PP2D1: variants seen among roughly 807,000 people sequenced by gnomAD.
PP2D1 encodes protein phosphatase 2C like domain containing 1.
PP2D1 carries 25 observed loss-of-function variants against 30.2 expected under a neutral mutation model. That is an observed-to-expected ratio of 0.83 (90% CI 0.60 to 1.16). The LOEUF is 1.16. Among genes scored for constraint, PP2D1 ranks in the 50% most tolerant of loss-of-function variants. The pLI, the probability that PP2D1 is intolerant of heterozygous loss-of-function variation, is 0.00. For missense variants in PP2D1, 760 were observed against 742.4 expected (o/e 1.02, Z -0.28); for synonymous variants, 260 against 258.9 (o/e 1.00, Z -0.04).
intron 1 of PP2D1, among the ~76,000 whole-genome samples, chr3:20,011,646 A>C (rs202007107): frequency 7.9e-4 from 120 of 151,332 alleles, no homozygotes; most frequent in African/African-American, 2.8e-3. Context: ...TAAAAATACA[A>C]AAATTAGCCG....
intron 2 of PP2D1, among the ~76,000 whole-genome samples, chr3:19,991,498 G>A (rs1342082462): frequency 6.6e-6 from 1 of 152,160 alleles, no homozygotes; most frequent in Non-Finnish European, 1.5e-5. Flanking sequence ...ACCTATATAC[G>A]TGATGGGTGA....
rs965519841 is a variant in PP2D1 at position 20,001,202 on chromosome 3, C to G, written c.918G>C (p.Arg306Ser). 3.9e-6 allele frequency: 6 copies of G among 1,533,064 alleles called. No homozygotes were observed. Among genetic ancestry groups the G allele is most frequent in the Admixed American group, 4.0e-5 (2 of 50,402 alleles). The allele number at this position is 1,533,064 out of a possible 1,614,324, so 95.0% of individuals were successfully genotyped here. A position where few individuals can be genotyped will look rare whatever the true frequency, so the allele number is the denominator to read the frequency against. ...CTGCAGAGCAGCCACTCCATTGAAC[C>G]CTGGACACTTCTTTTCTTCCAAGAC... ...LLGLGRKEVS[R>S]VQWSGCSAVT... The change falls in exon 2 of 3, where the codon AGG becomes AGC. Residue 306 changes from arginine to serine, a missense_variant. This residue lies in a region of PP2D1 where 374 missense variants were observed against 388.8 expected (regional missense o/e 0.96). Coordinates refer to ENST00000389050, the MANE Select transcript of PP2D1 (RefSeq NM_001252657.2).
intron 2 of PP2D1, among the ~76,000 whole-genome samples, chr3:19,999,874 CA>C (rs1489060289): frequency 6.6e-6 from 1 of 152,154 alleles, no homozygotes; most frequent in Non-Finnish European, 1.5e-5. Flanking sequence ...GGAACCTCAG[CA>C]TAGAGCCTGA....
intron 2 of PP2D1, among the ~76,000 whole-genome samples, chr3:19,993,552 A>G (rs182996594): frequency 2.4e-3 from 362 of 152,208 alleles, no homozygotes; most frequent in African/African-American, 8.1e-3. Flanking sequence ...CCTGGCCAAC[A>G]TGGTGAAACC....
chr3:19,996,168 G>C (rs560989598), intron 2 of PP2D1, among the ~76,000 whole-genome samples: 1 of 151,908 alleles, frequency 6.6e-6, no homozygotes, highest in Non-Finnish European at 1.5e-5. Flanking sequence ...TTTATGAAAA[G>C]ATTTTAAAAG....
chr3:19,980,558 G>A (rs11128930), downstream of PP2D1, among the ~76,000 whole-genome samples: 21,717 of 151,528 alleles, frequency 0.14, 1,633 homozygotes, highest in South Asian at 0.21. Context: ...AAAGTTACTC[G>A]TTCTAGTTTA....
chr3:20,001,015 A>G lies in PP2D1; in HGVS notation c.1090+15T>C. 1 of 1,314,540 alleles carries G rather than the reference A, an allele frequency of 7.6e-7. No homozygotes were observed. Among genetic ancestry groups the G allele is most frequent in the South Asian group, 2.5e-5 (1 of 39,674 alleles). 81.4% of individuals were successfully genotyped at this position (1,314,540 alleles called of 1,614,324 possible). ...AAACATAAAGGTGTTATTTGGTGCT[A>G]TTCAATGTACATACCAGTGTTTGCA... On this transcript the variant is annotated intron_variant, in intron 2 of 2. Coordinates refer to ENST00000389050, the MANE Select transcript of PP2D1 (RefSeq NM_001252657.2).
intron 1 of PP2D1, among the ~76,000 whole-genome samples, chr3:20,003,638 G>T (rs531461316): frequency 2.4e-4 from 37 of 152,050 alleles, no homozygotes; most frequent in African/African-American, 8.7e-4. Context: ...CAGCTACTTG[G>T]GAGGCTGAGG....
chr3:19,982,349 G>A (rs1378407402), downstream of PP2D1, among the ~76,000 whole-genome samples: 2 of 152,230 alleles, frequency 1.3e-5, no homozygotes, highest in African/African-American at 4.8e-5. Context: ...ATTTCCACTA[G>A]CATGCTAAGG....
chr3:20,011,871 G>A (rs1220778635), intron 1 of PP2D1, among the ~76,000 whole-genome samples, 179 bp downstream of exon 1: 1 of 151,966 alleles, frequency 6.6e-6, no homozygotes, highest in Non-Finnish European at 1.5e-5. Flanking sequence ...TAAGAGCATA[G>A]AGAGGAATGG....
At chr3:19,994,577 C>A (rs1697154879) in intron 2 of PP2D1, among the ~76,000 whole-genome samples, 1 of 152,190 alleles carries the variant, frequency 6.6e-6, no homozygotes. Context: ...CAGGCAGGAG[C>A]AAATGCAGTA....
chr3:20,002,162 G>T (rs1412795311), intron 1 of PP2D1, 66 bp from the exon 2 acceptor site: 3 of 991,150 alleles, frequency 3.0e-6, no homozygotes, highest in Non-Finnish European at 4.4e-6. Flanking sequence ...CAAGCAGGCT[G>T]TTATCATTGC....
At chr3:19,982,645 T>C (rs114254903), downstream of PP2D1, among the ~76,000 whole-genome samples, 1,460 of 151,884 alleles carry the variant, frequency 9.6e-3, 22 homozygotes, top group African/African-American at 0.031. Context: ...GCCCAAGAGT[T>C]CAAGACCAGC....
downstream of PP2D1, chr3:19,985,162 GGTATAAAAAGCAA>G: frequency 4.2e-6 from 2 of 480,820 alleles, no homozygotes; most frequent in Non-Finnish European, 7.3e-6. Flanking sequence ...GGAATAAAGT[GGTATAAAAAGCAA>G]GTATCGGCTT....
rs1305373998 is a variant in PP2D1 at position 19,986,074 on chromosome 3, A to T, written c.1199T>A (p.Val400Asp). The part of the protein sequence containing the change: ...ERRRILQNGA[V>D]ISSNEPYGLV... ...CCCGTATGGTTCATTTGAACTAATG[A>T]CTGCTCCATTCTGAAGTATTCTTCT... The change falls in exon 3 of 3, where the codon GTC becomes GAC. Residue 400 changes from valine to aspartate, a missense_variant. Val to Asp is a radical substitution (Grantham distance 152). This residue lies in a region of PP2D1 where 369 missense variants were observed against 316.2 expected (regional missense o/e 1.17). Transcript: ENST00000389050. 25 of 1,535,902 alleles carry T rather than the reference A, an allele frequency of 1.6e-5. No homozygotes were observed. Among genetic ancestry groups the T allele is most frequent in the Non-Finnish European group, 2.1e-5 (24 of 1,146,846 alleles).
intron 2 of PP2D1, among the ~76,000 whole-genome samples, chr3:19,999,550 T>TG (rs1553641166): frequency 3.3e-5 from 5 of 150,756 alleles, no homozygotes; most frequent in African/African-American, 9.8e-5. Context: ...GGCTAATTTT[T>TG]TTTTTTTTTT....
intron 2 of PP2D1, among the ~76,000 whole-genome samples, chr3:19,986,657 C>T (rs950454523): frequency 6.6e-6 from 1 of 152,140 alleles, no homozygotes; most frequent in Non-Finnish European, 1.5e-5. Context: ...CTTGAATATA[C>T]TTAGGTCATG....
At chr3:20,007,658 C>T (rs1302340543) in intron 1 of PP2D1, among the ~76,000 whole-genome samples, 1 of 151,084 alleles carries the variant, frequency 6.6e-6, no homozygotes, top group African/African-American at 2.4e-5. Context: ...ATTCCAGCTA[C>T]TTGGGAGGCT....
downstream of PP2D1, among the ~76,000 whole-genome samples, chr3:19,981,608 C>T (rs1373311212): frequency 4.4e-5 from 6 of 137,784 alleles, no homozygotes; most frequent in South Asian, 4.7e-4. Flanking sequence ...AGCGAGACTC[C>T]GCCTCAAAAA....
Sources: gnomAD v4.1 joint callset for allele counts (sites outside exome capture counted in the v4.1 genomes callset) on GRCh38, gnomAD v4.1.1 for gene constraint, gnomAD v4.1.1 regional missense constraint, MANE v1.5 for transcripts, NCBI Gene and HGNC (gene_info 2026-07-23, HGNC 2026-07-21) for gene names.